CSMD1: variants seen among roughly 807,000 people sequenced by gnomAD.
The protein encoded by CSMD1 is CUB and Sushi multiple domains 1.
A neutral mutation model predicts 417.5 loss-of-function variants in CSMD1; 213 were observed. The observed-to-expected ratio is 0.51, with a 90% CI of 0.46 to 0.57. The LOEUF is 0.57. Ranked by LOEUF, CSMD1 falls within the 20% of genes least tolerant of loss-of-function variation. CSMD1 has a pLI of 0.00. For missense variants in CSMD1, 6,923 were observed against 4,529.7 expected, an observed-to-expected ratio of 1.53 and a Z score of -15.17; for synonymous variants, 2,862 against 1,736.8, an observed-to-expected ratio of 1.65 and a Z score of -16.11.
intron 38 of CSMD1, among the ~76,000 whole-genome samples, chr8:3,159,709 A>T (rs1819762559): frequency 6.6e-6 from 1 of 152,232 alleles, no homozygotes; most frequent in South Asian, 2.1e-4. Flanking sequence ...GAAGAAAAGA[A>T]ACACAGCTTA....
chr8:3,699,770 G>C (rs540838061), intron 7 of CSMD1, among the ~76,000 whole-genome samples: 2 of 152,184 alleles, frequency 1.3e-5, no homozygotes, highest in African/African-American at 4.8e-5. Flanking sequence ...AGGGACTGTT[G>C]AATGTGTGAG....
At chr8:3,531,261 T>C (rs1280324575) in intron 10 of CSMD1, among the ~76,000 whole-genome samples, 1 of 152,216 alleles carries the variant, frequency 6.6e-6, no homozygotes, top group African/African-American at 2.4e-5. Context: ...CTGGCTTTTA[T>C]TCACCATGGA....
chr8:4,306,933 C>T (rs764410770), intron 3 of CSMD1, among the ~76,000 whole-genome samples: 1 of 152,170 alleles, frequency 6.6e-6, no homozygotes, highest in Admixed American at 6.6e-5. Flanking sequence ...GTGTGGGATT[C>T]AGTATCTGTC....
chr8:3,507,504 C>T (rs948904285), intron 10 of CSMD1, among the ~76,000 whole-genome samples: 1 of 152,088 alleles, frequency 6.6e-6, no homozygotes, highest in Non-Finnish European at 1.5e-5. Context: ...ATTTATAATC[C>T]TTTGGGTATA....
intron 4 of CSMD1, among the ~76,000 whole-genome samples, chr8:4,012,498 G>C (rs942903289): frequency 2.6e-5 from 4 of 152,090 alleles, no homozygotes; most frequent in African/African-American, 9.7e-5. Flanking sequence ...TGTGTTTCGA[G>C]GTGTGGTGTA....
At chr8:3,507,470 T>C (rs934866875) in intron 10 of CSMD1, among the ~76,000 whole-genome samples, 7 of 152,214 alleles carry the variant, frequency 4.6e-5, no homozygotes, top group African/African-American at 1.7e-4. Flanking sequence ...AACATACGTG[T>C]GCATGTGTCT....
At chr8:4,450,571 G>A (rs1049813089) in intron 2 of CSMD1, among the ~76,000 whole-genome samples, 1 of 152,096 alleles carries the variant, frequency 6.6e-6, no homozygotes, top group Non-Finnish European at 1.5e-5. Context: ...GGAGGCAGAG[G>A]TTGCAGCCCA....
intron 3 of CSMD1, among the ~76,000 whole-genome samples, chr8:4,049,595 T>A (rs1360189110): frequency 6.6e-6 from 1 of 152,128 alleles, no homozygotes; most frequent in Non-Finnish European, 1.5e-5. Context: ...CTGTCTTTTT[T>A]ATTTAGGGTT....
intron 8 of CSMD1, 143 bp from the exon 9 acceptor site, chr8:3,586,403 T>C (rs896189499): frequency 1.5e-6 from 1 of 676,006 alleles, no homozygotes; most frequent in Non-Finnish European, 2.3e-6. Context: ...TTAGGTAGTA[T>C]GTATAGAGGC....
chr8:4,078,810 T>C (rs1340845225), intron 3 of CSMD1, among the ~76,000 whole-genome samples: 8 of 148,594 alleles, frequency 5.4e-5, no homozygotes, highest in Non-Finnish European at 1.0e-4. Context: ...CCAAGGCAGG[T>C]AGATTACTTG....
intron 1 of CSMD1, among the ~76,000 whole-genome samples, chr8:4,656,400 G>A (rs1380646284): frequency 2.6e-5 from 4 of 151,824 alleles, no homozygotes; most frequent in Non-Finnish European, 5.9e-5. Context: ...AGTAAAGTGG[G>A]GACACTTTGA....
At chr8:4,922,528 C>G (rs538693101) in intron 1 of CSMD1, among the ~76,000 whole-genome samples, 4 of 152,258 alleles carry the variant, frequency 2.6e-5, no homozygotes, top group Admixed American at 2.6e-4. Flanking sequence ...GCTGGGCAAA[C>G]CATTCACACC....
intron 41 of CSMD1, among the ~76,000 whole-genome samples, chr8:3,120,711 G>GGGGC (rs879425674): frequency 5.9e-5 from 9 of 151,730 alleles, no homozygotes; most frequent in African/African-American, 9.7e-5. Context: ...GCCAGGGGGG[G>GGGGC]TGACCGGCAC....
At chr8:3,951,778 G>A (rs576883276) in intron 5 of CSMD1, among the ~76,000 whole-genome samples, 1 of 152,204 alleles carries the variant, frequency 6.6e-6, no homozygotes, top group South Asian at 2.1e-4. Context: ...GGTGACCTGT[G>A]CTGAGAACAA....
intron 7 of CSMD1, among the ~76,000 whole-genome samples, chr8:3,699,647 C>G (rs745763938): frequency 6.6e-6 from 1 of 152,196 alleles, no homozygotes; most frequent in Non-Finnish European, 1.5e-5. Context: ...TATGACAGCA[C>G]TCTGTGTGAC....
intron 2 of CSMD1, among the ~76,000 whole-genome samples, chr8:4,435,714 T>A (rs1798112279): frequency 6.6e-6 from 1 of 152,174 alleles, no homozygotes; most frequent in African/African-American, 2.4e-5. Context: ...TGTGTGGGGC[T>A]GTGGCTGCCT....
intron 3 of CSMD1, among the ~76,000 whole-genome samples, chr8:4,221,101 G>C (rs1038568629): frequency 2.0e-5 from 3 of 152,064 alleles, no homozygotes; most frequent in Non-Finnish European, 2.9e-5. Context: ...AAACAAGAGA[G>C]GAATACAACG....
At chr8:3,682,224 C>A (rs1452256271) in intron 7 of CSMD1, among the ~76,000 whole-genome samples, 2 of 152,134 alleles carry the variant, frequency 1.3e-5, no homozygotes, top group Non-Finnish European at 2.9e-5. Flanking sequence ...TTCTGCACAG[C>A]ACAAGAAACT....
At chr8:4,947,727 G>C (rs1322145891) in intron 1 of CSMD1, among the ~76,000 whole-genome samples, 1 of 152,058 alleles carries the variant, frequency 6.6e-6, no homozygotes, top group South Asian at 2.1e-4. Flanking sequence ...GTTTGTAGCT[G>C]AGTTTGCTTG....
Sources: gnomAD v4.1 joint callset for allele counts (sites outside exome capture counted in the v4.1 genomes callset) on GRCh38, gnomAD v4.1.1 for gene constraint, MANE v1.5 for transcripts, NCBI Gene and HGNC (gene_info 2026-07-23, HGNC 2026-07-21) for gene names.